SACM1L: variants seen among roughly 807,000 people sequenced by gnomAD.
SACM1L encodes phosphatidylinositol-3-phosphatase SAC1.
A neutral mutation model predicts 89.5 loss-of-function variants in SACM1L; 32 were observed. That is an observed-to-expected ratio of 0.36 (90% confidence interval 0.27 to 0.48). The LOEUF (loss-of-function observed/expected upper bound fraction) is 0.48, where lower values mean the gene tolerates loss of function less well. Ranked by LOEUF, SACM1L falls within the 20% of genes least tolerant of loss-of-function variation. The probability of loss-of-function intolerance (pLI) is 0.99; values close to 1 mark genes in which losing one functional copy is unlikely to be tolerated. For missense variants in SACM1L, 543 were observed against 708.5 expected (o/e 0.77, Z 2.65); for synonymous variants, 213 against 232.8 (o/e 0.92, Z 0.77).
intron 14 of SACM1L, among the ~76,000 whole-genome samples, chr3:45,736,336 G>GTA (rs2125705448): frequency 6.6e-6 from 1 of 152,166 alleles, no homozygotes; most frequent in East Asian, 1.9e-4. Context: ...TTTCTTCTGT[G>GTA]TATATTTGGA....
Position 45,714,067 on chromosome 3 carries a change from G to A in SACM1L, c.565G>A (p.Val189Met), listed in dbSNP as rs755741002. 1.3e-6 allele frequency: 2 copies of A among 1,550,902 alleles called. No homozygotes were observed. Among genetic ancestry groups the A allele is most frequent in the South Asian group, 2.5e-5 (2 of 81,332 alleles). Residue 189 changes from valine to methionine, a missense_variant, in exon 7 of 20, where the codon GTG becomes ATG. Val to Met is a conservative substitution (Grantham distance 21). Coordinates refer to ENST00000389061, the MANE Select transcript of SACM1L (RefSeq NM_014016.5). ...QPEVHRFALPVLHGFITMHSC... is the reference protein window; with the variant it reads ...QPEVHRFALPMLHGFITMHSC... ...TCAGGTTCATCGGTTTGCCCTTCCA[G>A]TGTTACATGGCTGTATCCTTACATG...
chr3:45,705,588 C>T (rs6777727), intron 3 of SACM1L, among the ~76,000 whole-genome samples: 21,469 of 150,088 alleles, frequency 0.14, 1,653 homozygotes, highest in African/African-American at 0.2. Flanking sequence ...CTGCACCCTC[C>T]GCCTCCCGGG....
At chr3:45,713,241 C>T (rs1446606850) in intron 6 of SACM1L, 45 bp downstream of exon 6, 6 of 1,464,590 alleles carry the variant, frequency 4.1e-6, no homozygotes, top group Non-Finnish European at 5.6e-6. Context: ...ACAGTCCAAG[C>T]TTTAATTCAA....
At position 45,713,076 on chromosome 3, in the gene SACM1L, T is replaced by C. The variant is rs560663606; in HGVS notation, c.484-61T>C. 2.2e-4 allele frequency: 307 copies of C among 1,394,078 alleles called. 4 individuals carry two copies. The South Asian group carries it at 3.6e-3, about 16-fold the overall frequency. The allele number at this position is 1,394,078 out of a possible 1,614,324, so 86.4% of individuals were successfully genotyped here. A position where few individuals can be genotyped will look rare whatever the true frequency, so the allele number is the denominator to read the frequency against. ...AAAGAGACATTGATTGGTGTAGTTTTCTTTCTGTAGAAAGTAAGCTTGGCA... is the reference window on the plus strand; with the variant it reads ...AAAGAGACATTGATTGGTGTAGTTTCCTTTCTGTAGAAAGTAAGCTTGGCA... On this transcript the variant is annotated intron_variant, in intron 5 of 19. Coordinates refer to ENST00000389061, the MANE Select transcript of SACM1L (RefSeq NM_014016.5).
At chr3:45,709,360 C>T in intron 4 of SACM1L, 138 bp from the exon 5 acceptor site, 1 of 665,914 alleles carries the variant, frequency 1.5e-6, no homozygotes, top group Non-Finnish European at 2.5e-6. Flanking sequence ...AAATGGCGAG[C>T]ATCCCCCTCA....
At chr3:45,743,277 CACCTGGGT>C (rs1369707061) in intron 19 of SACM1L, among the ~76,000 whole-genome samples, 1 of 152,202 alleles carries the variant, frequency 6.6e-6, no homozygotes, top group Non-Finnish European at 1.5e-5. Flanking sequence ...GCATCAGCAT[CACCTGGGT>C]ACTAGGAACT....
At chr3:45,691,373 T>C (rs1018627473) in intron 1 of SACM1L, among the ~76,000 whole-genome samples, 4 of 152,194 alleles carry the variant, frequency 2.6e-5, no homozygotes, top group East Asian at 1.9e-4. Context: ...GCTCTGAGGC[T>C]GCTGTTGAAG....
chr3:45,696,357 G>C (rs1698128220), intron 1 of SACM1L, among the ~76,000 whole-genome samples: 1 of 152,130 alleles, frequency 6.6e-6, no homozygotes. Context: ...CATTTCGTTT[G>C]TTCATTTGTT....
chr3:45,722,747 T>C, intron 9 of SACM1L, 122 bp from the exon 10 acceptor site: 1 of 627,458 alleles, frequency 1.6e-6, no homozygotes, highest in Non-Finnish European at 2.7e-6. Context: ...TTTAAAGTTG[T>C]CGGTAGATTG....
intron 8 of SACM1L, 30 bp from the exon 9 acceptor site, chr3:45,721,970 T>A (rs764777752): frequency 2.2e-5 from 31 of 1,433,144 alleles, no homozygotes; most frequent in Non-Finnish European, 2.1e-5. Flanking sequence ...GTAATCAGTA[T>A]AGTTAATTCT....
At chr3:45,733,851 T>C (rs1699133861) in intron 13 of SACM1L, among the ~76,000 whole-genome samples, 5 of 152,202 alleles carry the variant, frequency 3.3e-5, no homozygotes, top group Admixed American at 3.3e-4. Context: ...AGTTAGTAAG[T>C]TGCGTATGAT....
intron 1 of SACM1L, among the ~76,000 whole-genome samples, chr3:45,695,329 C>T (rs923627731): frequency 3.3e-5 from 5 of 151,806 alleles, no homozygotes; most frequent in East Asian, 3.9e-4. Context: ...GGCGCAGTCT[C>T]GGCTCACCAC....
At chr3:45,704,711 C>T (rs1698345896) in intron 2 of SACM1L, among the ~76,000 whole-genome samples, 1 of 152,078 alleles carries the variant, frequency 6.6e-6, no homozygotes, top group Non-Finnish European at 1.5e-5. Context: ...GACTGAAAAG[C>T]TAAAGGTCAT....
chr3:45,732,999 T>A (rs1699110703), intron 13 of SACM1L, among the ~76,000 whole-genome samples: 1 of 152,254 alleles, frequency 6.6e-6, no homozygotes, highest in East Asian at 1.9e-4. Flanking sequence ...AATCTGCTTT[T>A]TTTCTGTGAC....
In SACM1L at chr3:45,745,362, A is replaced by T. The variant is rs1362830259; in HGVS notation, c.*1693A>T. ...CTGCGACGATTTTATTTCTAAATTC[A>T]TGTACTGTATGTCCATAAGTGAAAA... On this transcript the variant is annotated 3_prime_UTR_variant, in exon 20 of 20. Transcript: ENST00000389061. The T allele has an allele frequency of 1.3e-5, 2 of 152,684 alleles. No individual in the cohort carries two copies. The highest frequency in any genetic ancestry group is 2.9e-5 in the Non-Finnish European group (2 of 68,040). The allele number at this position is 152,684 out of a possible 1,614,324, so 9.5% of individuals were successfully genotyped here.
chr3:45,701,324 A>G (rs1698261070), intron 1 of SACM1L, among the ~76,000 whole-genome samples: 1 of 152,182 alleles, frequency 6.6e-6, no homozygotes, highest in Non-Finnish European at 1.5e-5. Context: ...ACCATCAGTG[A>G]GTCCCCAAAA....
intron 11 of SACM1L, 99 bp from the exon 12 acceptor site, chr3:45,731,202 G>A: frequency 1.6e-6 from 1 of 639,756 alleles, no homozygotes; most frequent in Non-Finnish European, 2.6e-6. Flanking sequence ...TTCTGTGGGA[G>A]AATGATGAGA....
chr3:45,711,395 G>A (rs1421542727), intron 5 of SACM1L, among the ~76,000 whole-genome samples: 1 of 152,120 alleles, frequency 6.6e-6, no homozygotes, highest in African/African-American at 2.4e-5. Flanking sequence ...AGGTGGCCGA[G>A]GCAGAAGGAT....
chr3:45,741,938 G>A (rs942577786), intron 19 of SACM1L, among the ~76,000 whole-genome samples: 1 of 152,210 alleles, frequency 6.6e-6, no homozygotes, highest in South Asian at 2.1e-4. Flanking sequence ...GTTCCTCAGC[G>A]GCCAGCCCTG....
Sources: gnomAD v4.1 joint callset for allele counts (sites outside exome capture counted in the v4.1 genomes callset) on GRCh38, gnomAD v4.1.1 for gene constraint, MANE v1.5 for transcripts, NCBI Gene and HGNC (gene_info 2026-07-23, HGNC 2026-07-21) for gene names.